The following MYT1 variants were observed in gnomAD, a reference collection of about 807,000 sequenced individuals.
MYT1 encodes the protein myelin transcription factor 1, also known as myelin transcription factor I.
Under a neutral mutation model 123.0 loss-of-function variants are expected in MYT1, and 23 were observed. The observed-to-expected ratio is 0.19, with a 90% confidence interval of 0.13 to 0.26. The LOEUF (loss-of-function observed/expected upper bound fraction) is 0.26. Among genes scored for constraint, MYT1 ranks in the 10% least tolerant of loss-of-function variants. The pLI is 1.00. For synonymous variants in MYT1, 518 were observed against 575.3 expected (o/e 0.90, Z 1.43); for missense variants, 1,125 against 1,472.5 (o/e 0.76, Z 3.86).
Position 64,221,902 on chromosome 20 carries a change from G to A in MYT1, c.2251G>A (p.Ala751Thr). 6.2e-7 allele frequency: 1 copy of A among 1,613,160 alleles called. No homozygotes were observed. Residue 751 changes from alanine to threonine, a missense_variant, in exon 14 of 23, where the codon GCA (alanine) becomes ACA (threonine). By Grantham distance (58) the Ala-to-Thr change is moderately conservative. Coordinates refer to ENST00000328439, the MANE Select transcript of MYT1 (RefSeq NM_004535.3). ...TGCTGGTTTTTTGCAGTCAGAGCCA[G>A]CAGCCCATTCTTTTGCTTCTTCTGA... ...REEEPEESEP[A>T]AHSFASSEAD...
In MYT1 at chr20:64,166,833, G is replaced by A. The variant is rs1446929137; in HGVS notation, c.-99+2094G>A. ...TCTACTTGGAAGCTCTGTTAGTGCCGGAGATGTCAGGGAGAGGCTGGCAGA... is the reference window on the plus strand; with the variant it reads ...TCTACTTGGAAGCTCTGTTAGTGCCAGAGATGTCAGGGAGAGGCTGGCAGA... On this transcript the variant is annotated intron_variant, in intron 1 of 22. Coordinates refer to ENST00000328439, the MANE Select transcript of MYT1 (RefSeq NM_004535.3). This position sits in a 1 kb window ranked among gnomAD's most constrained non-coding sequence, Gnocchi z 4.9. 3.9e-5 allele frequency among the ~76,000 whole-genome samples: 6 copies of A among 152,156 alleles called. No individual in the cohort carries two copies. Among genetic ancestry groups the A allele is most frequent in the Non-Finnish European group, 8.8e-5 (6 of 68,036 alleles).
At chr20:64,205,130 T>C (rs766935219) in intron 5 of MYT1, 33 bp downstream of exon 5, 2 of 1,609,478 alleles carry the variant, frequency 1.2e-6, no homozygotes, top group Non-Finnish European at 8.5e-7. Context: ...CGGAGATTCC[T>C]GGGCGGTAGA....
At position 64,213,688 on chromosome 20, in the gene MYT1, A is replaced by G. The variant is rs1983751533; in HGVS notation, c.1631+41A>G. 1 of 1,545,480 alleles carries G rather than the reference A, an allele frequency of 6.5e-7. No homozygotes were observed. The highest frequency in any genetic ancestry group is 1.7e-4 in the Middle Eastern group (1 of 5,772). On this transcript the variant is annotated intron_variant, in intron 10 of 22. Transcript: ENST00000328439. The surrounding 1 kb of genome is among the most constrained non-coding windows in gnomAD (Gnocchi z 5.6). ...CACAGAACTGAAGAGGCTGCCTCCC[A>G]AATGCCTGCAGAGGGCTTCTCAGTC... is the stretch of plus-strand genomic sequence containing the variant.
At position 64,208,484 on chromosome 20, in the gene MYT1, A is replaced by G. The variant is rs747610123; in HGVS notation, c.1288A>G (p.Lys430Glu). Residue 430 changes from lysine (K) to glutamate (E), a missense_variant, in exon 7 of 23, where the codon AAA (lysine) becomes GAA (glutamate). Transcript: ENST00000328439. This position sits in a 1 kb window ranked among gnomAD's most constrained non-coding sequence, Gnocchi z 5.4. ...CACTGTGCGGAAGAGTTACTACAGT[A>G]AAGGTAGGGCTCAGGGGTGGCCTGG... ...LDTVRKSYYS[K>E]DPSRAEKREI... 3.1e-6 allele frequency: 5 copies of G among 1,595,388 alleles called. No individual in the cohort carries two copies. The Admixed American group carries it at 5.1e-5, about 16-fold the overall frequency.
At chr20:64,198,425 G>C (rs1983194395) in intron 2 of MYT1, among the ~76,000 whole-genome samples, 1 of 152,146 alleles carries the variant, frequency 6.6e-6, no homozygotes, top group Non-Finnish European at 1.5e-5. Context: ...TGAGTCTGTG[G>C]TGAGCGACCT....
In MYT1 at chr20:64,222,994, A is replaced by G. The variant is rs1984054879; in HGVS notation, c.2397-117A>G. 3.5e-6 allele frequency: 4 copies of G among 1,127,580 alleles called. No individual in the cohort carries two copies. The South Asian group carries it at 3.9e-5, about 11-fold the overall frequency. The allele number at this position is 1,127,580 out of a possible 1,614,324, so 69.8% of individuals were successfully genotyped here. A position where few individuals can be genotyped will look rare whatever the true frequency, so the allele number is the denominator to read the frequency against. On this transcript the variant is annotated intron_variant, in intron 14 of 22. Coordinates refer to ENST00000328439, the MANE Select transcript of MYT1 (RefSeq NM_004535.3). ...CCAAGGACTGAGTGGAGGAGGGGCC[A>G]CCGCTTGGCTCGCGGGTGAGCCAGG... is the stretch of plus-strand genomic sequence containing the variant.
Position 64,227,275 on chromosome 20 carries a change from T to A in MYT1, c.2529-140T>A, listed in dbSNP as rs768710280. On this transcript the variant is annotated intron_variant, in intron 16 of 22. Coordinates refer to ENST00000328439, the MANE Select transcript of MYT1 (RefSeq NM_004535.3). ...CGGCAGCCGGGGTGAACATCGGCGA[T>A]GCTCCTCTGCGGACAAGGGAATGTG... is the stretch of plus-strand genomic sequence containing the variant. 3 of 679,326 alleles carry A rather than the reference T, an allele frequency of 4.4e-6. No individual in the cohort carries two copies. The East Asian group carries it at 8.2e-5, about 19-fold the overall frequency. 42.1% of individuals were successfully genotyped at this position (679,326 alleles called of 1,614,324 possible).
At chr20:64,226,035 G>T (rs982859692) in intron 16 of MYT1, among the ~76,000 whole-genome samples, 4 of 152,200 alleles carry the variant, frequency 2.6e-5, no homozygotes, top group African/African-American at 9.6e-5. Context: ...CACCTGAGTG[G>T]CCACTTGCCC....
At position 64,185,454 on chromosome 20, in the gene MYT1, A is replaced by C. The variant is rs1424890547; in HGVS notation, c.-98-4609A>C. 6.6e-6 allele frequency among the ~76,000 whole-genome samples: 1 copy of C among 152,168 alleles called. No individual in the cohort carries two copies. The highest frequency in any genetic ancestry group is 1.5e-5 in the Non-Finnish European group (1 of 68,026). On this transcript the variant is annotated intron_variant, in intron 1 of 22. Transcript: ENST00000328439. This position sits in a 1 kb window ranked among gnomAD's most constrained non-coding sequence, Gnocchi z 4.5. Reference sequence around the variant, plus strand: ...GGCAGCCCTAGTTACCAGAGATGCAAAACCTAGTGAAGACTGAAAACATGT... The same window carrying C: ...GGCAGCCCTAGTTACCAGAGATGCACAACCTAGTGAAGACTGAAAACATGT...
At chr20:64,207,498 A>AG (rs1252002186) in intron 6 of MYT1, 96 bp from the exon 7 acceptor site, 24 of 1,529,526 alleles carry the variant, frequency 1.6e-5, no homozygotes, top group Non-Finnish European at 1.8e-5. Flanking sequence ...AGTGAGTGGT[A>AG]GGTCAGGTGG....
chr20:64,183,646 G>C (rs898770794), intron 1 of MYT1, among the ~76,000 whole-genome samples: 1 of 152,172 alleles, frequency 6.6e-6, no homozygotes, highest in African/African-American at 2.4e-5. Flanking sequence ...CCATTCCCGT[G>C]TTATCTTTGG....
intron 2 of MYT1, among the ~76,000 whole-genome samples, chr20:64,195,354 C>CTGTGTG (rs5741790): frequency 0.02 from 1,928 of 98,778 alleles, 32 homozygotes; most frequent in South Asian, 0.03. Context: ...ATGGTGAGAA[C>CTGTGTG]TGTGTGTGTG....
Position 64,222,024 on chromosome 20 carries a change from G to T in MYT1, c.2373G>T (p.Lys791Asn). 1.2e-6 allele frequency: 2 copies of T among 1,613,006 alleles called. No homozygotes were observed. The highest frequency in any genetic ancestry group is 1.7e-6 in the Non-Finnish European group (2 of 1,179,990). ...ACTTTAAGCTGAAGTTTCTCTCCAA[G>T]GACATAAAGAAGGAGCTGCTCACGT... Reference protein sequence around the residue: ...LTNFKLKFLSKDIKKELLTCP... With the variant: ...LTNFKLKFLSNDIKKELLTCP... The change falls in exon 14 of 23, where the codon AAG (lysine) becomes AAT (asparagine). Residue 791 changes from lysine to asparagine, a missense_variant. Physicochemically the swap from Lys to Asn is moderately conservative, Grantham distance 94. Transcript: ENST00000328439.
At position 64,202,379 on chromosome 20, in the gene MYT1, G is replaced by C. The variant is rs1200760865; in HGVS notation, c.86+2457G>C. Among the ~76,000 whole-genome samples the C allele has an allele frequency of 1.3e-5, 2 of 152,210 alleles. No individual in the cohort carries two copies. Among genetic ancestry groups the C allele is most frequent in the Non-Finnish European group, 2.9e-5 (2 of 68,046 alleles). ...CTTGTATTTTTGCCTGGGTCCATCT[G>C]TTGTCACATGGCCTCAGACTGGCTC... On this transcript the variant is annotated intron_variant, in intron 4 of 22. Transcript: ENST00000328439. The surrounding 1 kb of genome is among the most constrained non-coding windows in gnomAD (Gnocchi z 5.0).
At chr20:64,214,731 C>G (rs914654110) in intron 10 of MYT1, among the ~76,000 whole-genome samples, 1 of 152,226 alleles carries the variant, frequency 6.6e-6, no homozygotes, top group Admixed American at 6.5e-5. Context: ...ATCTGTCTCA[C>G]CAGACAAGAG....
At chr20:64,198,765 A>G in intron 2 of MYT1, 97 bp from the exon 3 acceptor site, 1 of 1,369,602 alleles carries the variant, frequency 7.3e-7, no homozygotes, top group Non-Finnish European at 1.0e-6. Flanking sequence ...TTGCTGTCAA[A>G]GCTTGAGCCA....
At chr20:64,211,667 CCT>C (rs1475653690) in intron 8 of MYT1, among the ~76,000 whole-genome samples, 1 of 152,248 alleles carries the variant, frequency 6.6e-6, no homozygotes, top group Non-Finnish European at 1.5e-5. Flanking sequence ...CTTGCAGCAA[CCT>C]CTGTGCCCTG....
chr20:64,220,790 CTAGGCCCCTATGAA>C (rs1568716185), intron 13 of MYT1, among the ~76,000 whole-genome samples: 4 of 103,354 alleles, frequency 3.9e-5, no homozygotes, highest in Non-Finnish European at 9.5e-5. Context: ...GGGGGTGGGG[CTAGGCCCCTATGAA>C]GGGTGGGGGC....
chr20:64,234,143 T>C (rs1984425810), intron 19 of MYT1, among the ~76,000 whole-genome samples: 2 of 152,252 alleles, frequency 1.3e-5, no homozygotes. Context: ...CCTTTACTTA[T>C]GGTGTGGATA....
Sources: gnomAD v4.1 joint callset for allele counts (sites outside exome capture counted in the v4.1 genomes callset) on GRCh38, gnomAD v4.1.1 for gene constraint, Gnocchi (gnomAD v3.1) non-coding constraint, MANE v1.5 for transcripts, NCBI Gene and HGNC (gene_info 2026-07-23, HGNC 2026-07-21) for gene names.